The following CDH13 variants were observed in gnomAD, a reference collection of about 807,000 sequenced individuals.
The protein encoded by CDH13 is cadherin 13, also known as cadherin-13.
In CDH13, 24 loss-of-function variants were observed where a neutral mutation model predicts 63.8. The observed-to-expected ratio is 0.38, with a 90% CI of 0.27 to 0.53. The LOEUF is 0.53. CDH13 is among the 20% of genes least tolerant of loss of function. The pLI, the probability that CDH13 is intolerant of heterozygous loss-of-function variation, is 0.85. For missense variants in CDH13, 1,049 were observed against 903.1 expected (o/e 1.16, Z -2.07); for synonymous variants, 503 against 355.3 (o/e 1.42, Z -4.67).
intron 5 of CDH13, among the ~76,000 whole-genome samples, chr16:83,291,971 A>G (rs1425222134): frequency 3.3e-5 from 5 of 152,138 alleles, no homozygotes; most frequent in African/African-American, 4.8e-5. Context: ...CCTGCTCCCA[A>G]TGGTCATGAG....
chr16:83,183,530 A>C (rs2038414056), intron 4 of CDH13, among the ~76,000 whole-genome samples: 1 of 152,232 alleles, frequency 6.6e-6, no homozygotes, highest in Non-Finnish European at 1.5e-5. Context: ...CATAGCCTCA[A>C]CTGGTGGAAT....
intron 4 of CDH13, among the ~76,000 whole-genome samples, chr16:83,212,139 G>A (rs989761881): frequency 3.3e-5 from 5 of 152,124 alleles, no homozygotes; most frequent in Admixed American, 3.3e-4. Context: ...CTGCAGCTGT[G>A]GAGTTCCCAG....
chr16:83,052,573 A>T (rs2030458249), intron 3 of CDH13, among the ~76,000 whole-genome samples: 1 of 152,212 alleles, frequency 6.6e-6, no homozygotes, highest in South Asian at 2.1e-4. Context: ...TGGGGTCACG[A>T]GTTGAAGACC....
At chr16:83,794,721 C>T (rs960730153) in intron 13 of CDH13, among the ~76,000 whole-genome samples, 3 of 152,010 alleles carry the variant, frequency 2.0e-5, no homozygotes, top group Non-Finnish European at 2.9e-5. Context: ...TAGCCAAGCT[C>T]TGTGCTGAGA....
intron 7 of CDH13, among the ~76,000 whole-genome samples, chr16:83,512,265 G>A (rs951376732): frequency 5.3e-5 from 8 of 151,304 alleles, no homozygotes; most frequent in South Asian, 2.1e-4. Context: ...AGCTTGCAGT[G>A]AGCGGAGATT....
intron 1 of CDH13, among the ~76,000 whole-genome samples, chr16:82,849,079 C>A (rs1050453631): frequency 5.3e-5 from 8 of 152,144 alleles, no homozygotes; most frequent in Non-Finnish European, 7.3e-5. Context: ...AAAGCCTAAT[C>A]CTGAGCAAGG....
intron 4 of CDH13, among the ~76,000 whole-genome samples, chr16:83,152,691 G>A (rs776719764): frequency 6.6e-5 from 10 of 152,148 alleles, no homozygotes; most frequent in Non-Finnish European, 1.0e-4. Context: ...GGACAAACAC[G>A]CTATGTGGTT....
chr16:83,324,039 T>TC (rs980076127), intron 5 of CDH13, among the ~76,000 whole-genome samples: 14 of 132,812 alleles, frequency 1.1e-4, no homozygotes, highest in Middle Eastern at 3.5e-3. Flanking sequence ...TTCTTCTTCT[T>TC]CTTTTTTTTT....
At chr16:83,750,270 G>A (rs529167391) in intron 11 of CDH13, among the ~76,000 whole-genome samples, 14 of 152,116 alleles carry the variant, frequency 9.2e-5, no homozygotes, top group South Asian at 2.1e-4. Flanking sequence ...CACTCCAGCC[G>A]GGGTGACAGA....
intron 7 of CDH13, among the ~76,000 whole-genome samples, chr16:83,493,978 C>A (rs1318345089): frequency 6.6e-6 from 1 of 152,170 alleles, no homozygotes; most frequent in African/African-American, 2.4e-5. Context: ...GATTAATAAA[C>A]CTCAGTCCGT....
chr16:83,030,378 G>A (rs1011627856), intron 2 of CDH13, among the ~76,000 whole-genome samples: 2 of 152,078 alleles, frequency 1.3e-5, no homozygotes, highest in African/African-American at 2.4e-5. Flanking sequence ...TACCCTGTGG[G>A]CCGGGTACAG....
chr16:83,429,679 GTGCTC>G (rs1373406984), intron 6 of CDH13, among the ~76,000 whole-genome samples: 1 of 152,226 alleles, frequency 6.6e-6, no homozygotes, highest in Non-Finnish European at 1.5e-5. Flanking sequence ...CTTAGAACTT[GTGCTC>G]TGCTTCTGTA....
At chr16:82,924,949 TA>T (rs2042259533) in intron 2 of CDH13, among the ~76,000 whole-genome samples, 1 of 152,222 alleles carries the variant, frequency 6.6e-6, no homozygotes, top group South Asian at 2.1e-4. Context: ...AATAGATGTT[TA>T]TTTTTTCCTT....
intron 1 of CDH13, among the ~76,000 whole-genome samples, chr16:82,790,288 A>T (rs558461143): frequency 6.6e-6 from 1 of 152,072 alleles, no homozygotes; most frequent in Non-Finnish European, 1.5e-5. Context: ...CACAAAAATT[A>T]GCTGGGCATG....
At chr16:83,505,933 T>C (rs916016955) in intron 7 of CDH13, among the ~76,000 whole-genome samples, 6 of 152,186 alleles carry the variant, frequency 3.9e-5, no homozygotes, top group African/African-American at 1.4e-4. Flanking sequence ...CAACATTCCA[T>C]AACGTGGTGG....
At chr16:83,371,708 C>A (rs776148330) in intron 6 of CDH13, among the ~76,000 whole-genome samples, 55 of 152,144 alleles carry the variant, frequency 3.6e-4, no homozygotes, top group Non-Finnish European at 1.5e-4. Context: ...ATATGAATCA[C>A]TGAAATACTG....
intron 3 of CDH13, among the ~76,000 whole-genome samples, chr16:83,093,431 G>C (rs1415674043): frequency 6.9e-6 from 1 of 144,860 alleles, no homozygotes; most frequent in East Asian, 2.2e-4. Flanking sequence ...CGATTCTCCT[G>C]CCTCAGCCTA....
intron 5 of CDH13, among the ~76,000 whole-genome samples, chr16:83,234,019 A>C (rs1327073223): frequency 2.6e-5 from 4 of 152,190 alleles, no homozygotes; most frequent in Non-Finnish European, 5.9e-5. Flanking sequence ...GCAGGGATGG[A>C]TAATGTGGCC....
intron 4 of CDH13, among the ~76,000 whole-genome samples, chr16:83,203,429 G>C (rs2039090042): frequency 6.6e-6 from 1 of 152,046 alleles, no homozygotes; most frequent in African/African-American, 2.4e-5. Flanking sequence ...GCTCACGCCT[G>C]TAATCCCAGC....
Sources: gnomAD v4.1 joint callset for allele counts (sites outside exome capture counted in the v4.1 genomes callset) on GRCh38, gnomAD v4.1.1 for gene constraint, MANE v1.5 for transcripts, NCBI Gene and HGNC (gene_info 2026-07-23, HGNC 2026-07-21) for gene names.